MINAR2: variants seen among roughly 807,000 people sequenced by gnomAD.
MINAR2 encodes the protein membrane integral NOTCH2 associated receptor 2, also known as major intrinsically disordered NOTCH2-binding receptor 1-like.
MINAR2 carries 21 observed loss-of-function variants against 16.1 expected under a neutral mutation model. That is an observed-to-expected ratio of 1.31 (90% CI 0.93 to 1.88). The LOEUF is 1.88. Among genes scored for constraint, MINAR2 ranks in the 40% most tolerant of loss-of-function variants. MINAR2 has a pLI of 0.00. For synonymous variants in MINAR2, 86 were observed against 83.0 expected (o/e 1.04, Z -0.20); for missense variants, 259 against 229.8 (o/e 1.13, Z -0.82).
chr5:129,755,205 T>G (rs911058816), intron 1 of MINAR2, among the ~76,000 whole-genome samples: 3 of 152,136 alleles, frequency 2.0e-5, no homozygotes, highest in African/African-American at 7.2e-5. Flanking sequence ...CTGTTTTATC[T>G]TGTTACATAT....
rs78747400 is a variant in MINAR2 at position 129,764,914 on chromosome 5, G to T, written c.424G>T (p.Gly142Ter). 2.3e-6 allele frequency: 3 copies of T among 1,329,786 alleles called. No individual in the cohort carries two copies. Among genetic ancestry groups the T allele is most frequent in the African/African-American group, 1.5e-5 (1 of 67,000 alleles). 82.4% of individuals were successfully genotyped at this position (1,329,786 alleles called of 1,614,324 possible). Residue 142 changes from glycine to a stop codon, truncating the protein, a stop_gained, in exon 3 of 3, where the codon GGA (glycine) becomes TGA (stop). Coordinates refer to ENST00000564719, the MANE Select transcript of MINAR2 (RefSeq NM_001257308.2). LOFTEE classifies it high-confidence loss of function. ...ENPNDLRFWL[G>*]DMYTPGFDTL... ...TCCTAATGACCTGCGGTTTTGGTTG[G>T]GAGACATGTACACTCCAGGTTTTGA...
chr5:129,764,780 T>C, intron 2 of MINAR2, 104 bp from the exon 3 acceptor site: 1 of 557,974 alleles, frequency 1.8e-6, no homozygotes. Context: ...AGAGTGAATA[T>C]GGACCATCAG....
In MINAR2 at chr5:129,761,313, C is replaced by T. The variant is rs116082729; in HGVS notation, c.393+708C>T. 3.5e-3 allele frequency among the ~76,000 whole-genome samples: 528 copies of T among 152,306 alleles called. 3 individuals are homozygous for T. Among genetic ancestry groups the T allele is most frequent in the African/African-American group, 0.012 (505 of 41,576 alleles). On this transcript the variant is annotated intron_variant, in intron 2 of 2. Coordinates refer to ENST00000564719, the MANE Select transcript of MINAR2 (RefSeq NM_001257308.2). ...GGACTGGATTCCTACCCAGCCTTGG[C>T]TTGCCTCCACCTGCCCTAGGCCAGG...
chr5:129,764,674 C>T (rs1758184903), intron 2 of MINAR2, among the ~76,000 whole-genome samples: 1 of 152,110 alleles, frequency 6.6e-6, no homozygotes, highest in African/African-American at 2.4e-5. Context: ...TGCAGGGATT[C>T]CTTGTCAGCC....
chr5:129,759,442 G>A (rs1437878294), intron 1 of MINAR2, among the ~76,000 whole-genome samples: 3 of 151,922 alleles, frequency 2.0e-5, no homozygotes, highest in Non-Finnish European at 4.4e-5. Flanking sequence ...TTTCCAAAAT[G>A]AACAAATTTT....
chr5:129,751,649 T>G (rs1484083902), intron 1 of MINAR2, among the ~76,000 whole-genome samples: 1 of 152,166 alleles, frequency 6.6e-6, no homozygotes, highest in African/African-American at 2.4e-5. Context: ...TATTTATACT[T>G]CTCCTTAAAT....
intron 1 of MINAR2, among the ~76,000 whole-genome samples, chr5:129,758,231 A>G (rs777660722): frequency 2.3e-4 from 35 of 152,102 alleles, no homozygotes; most frequent in South Asian, 6.2e-4. Flanking sequence ...CCTCTGGTAA[A>G]TGTATTCTTT....
intron 2 of MINAR2, 48 bp from the exon 3 acceptor site, chr5:129,764,836 A>G (rs1171523699): frequency 2.9e-6 from 3 of 1,039,986 alleles, no homozygotes; most frequent in African/African-American, 1.6e-5. Context: ...AATTTGTAAC[A>G]CTGACTGATT....
intron 1 of MINAR2, among the ~76,000 whole-genome samples, chr5:129,749,942 G>C (rs1757965942): frequency 6.6e-6 from 1 of 152,156 alleles, no homozygotes; most frequent in South Asian, 2.1e-4. Flanking sequence ...CTGCTTCATA[G>C]GTCTTTGAAT....
intron 1 of MINAR2, among the ~76,000 whole-genome samples, chr5:129,757,023 T>C (rs1311289638): frequency 2.0e-5 from 3 of 147,862 alleles, no homozygotes; most frequent in Non-Finnish European, 3.0e-5. Flanking sequence ...TATTTATATA[T>C]AATGGTATAT....
chr5:129,760,230 G>A (rs763317409), intron 1 of MINAR2, 148 bp from the exon 2 acceptor site: 15 of 635,850 alleles, frequency 2.4e-5, no homozygotes, highest in Non-Finnish European at 3.5e-5. Context: ...TAGGTCAAAC[G>A]AAACCCTAGA....
chr5:129,765,891 A>G lies in MINAR2; in HGVS notation c.*828A>G, dbSNP rs1395312373. The G allele has an allele frequency of 6.6e-6, 1 of 152,164 alleles. No homozygotes were observed. Among genetic ancestry groups the G allele is most frequent in the African/African-American group, 2.4e-5 (1 of 41,444 alleles). The allele number at this position is 152,164 out of a possible 1,614,324, so 9.4% of individuals were successfully genotyped here. On this transcript the variant is annotated 3_prime_UTR_variant, in exon 3 of 3. Transcript: ENST00000564719. Reference sequence around the variant, plus strand: ...GTTTGAAGCCTAACTGCTACTTGCTAACAGACTCTGGCAAGTTATTCTCTC... The same window carrying G: ...GTTTGAAGCCTAACTGCTACTTGCTGACAGACTCTGGCAAGTTATTCTCTC...
At chr5:129,760,798 G>A (rs950353172) in intron 2 of MINAR2, among the ~76,000 whole-genome samples, 193 bp downstream of exon 2, 5 of 152,106 alleles carry the variant, frequency 3.3e-5, no homozygotes, top group African/African-American at 1.2e-4. Flanking sequence ...GAGTTTTACA[G>A]TTTCAACAGT....
Position 129,760,503 on chromosome 5 carries a change from A to C in MINAR2, c.291A>C (p.Leu97=). The change falls in exon 2 of 3, where the codon CTA becomes CTC. Residue 97 remains leucine (L), a synonymous_variant. Coordinates refer to ENST00000564719, the MANE Select transcript of MINAR2 (RefSeq NM_001257308.2). ...VMKNNPLYGD[L]SLEEAMEERK... ...AGAATAACCCACTCTATGGTGACCT[A>C]AGTTTGGAGGAAGCTATGGAAGAAA... 2.0e-6 allele frequency: 3 copies of C among 1,535,740 alleles called. No individual in the cohort carries two copies. Among genetic ancestry groups the C allele is most frequent in the Non-Finnish European group, 2.6e-6 (3 of 1,146,544 alleles).
At chr5:129,756,597 A>T (rs1218698458) in intron 1 of MINAR2, among the ~76,000 whole-genome samples, 2 of 152,072 alleles carry the variant, frequency 1.3e-5, no homozygotes. Context: ...TTCCTGAGTT[A>T]CTTCACTTAG....
At chr5:129,748,439 A>G in intron 1 of MINAR2, 84 bp downstream of exon 1, 1 of 1,389,754 alleles carries the variant, frequency 7.2e-7, no homozygotes, top group East Asian at 2.5e-5. Flanking sequence ...TGCAACAAGA[A>G]GCCTATAGGA....
At chr5:129,761,365 C>A (rs1203655635) in intron 2 of MINAR2, among the ~76,000 whole-genome samples, 1 of 152,174 alleles carries the variant, frequency 6.6e-6, no homozygotes, top group African/African-American at 2.4e-5. Flanking sequence ...CAAGTATATA[C>A]CCTTCATTTA....
At position 129,748,291 on chromosome 5, in the gene MINAR2, T is replaced by C. The variant is rs574518368; in HGVS notation, c.101T>C (p.Leu34Pro). ...TRSSALLQAS[L>P]VRFPGGNYPA... ...AGCTCAGCCCTCCTTCAGGCCAGCCTGGTGAGGTTTCCGGGTGGAAATTAT... is the reference window on the plus strand; with the variant it reads ...AGCTCAGCCCTCCTTCAGGCCAGCCCGGTGAGGTTTCCGGGTGGAAATTAT... Residue 34 changes from leucine to proline, a missense_variant, in exon 1 of 3, where the codon CTG becomes CCG. Leu to Pro is a moderately conservative substitution (Grantham distance 98). Coordinates refer to ENST00000564719, the MANE Select transcript of MINAR2 (RefSeq NM_001257308.2). 7.5e-5 allele frequency: 115 copies of C among 1,535,258 alleles called. No homozygotes were observed. The African/African-American group carries it at 1.2e-3, about 17-fold the overall frequency.
chr5:129,765,286 G>C lies in MINAR2; in HGVS notation c.*223G>C. 2.7e-6 allele frequency: 1 copy of C among 370,570 alleles called. No individual in the cohort carries two copies. The allele number at this position is 370,570 out of a possible 1,614,324, so 23.0% of individuals were successfully genotyped here. A position where few individuals can be genotyped will look rare whatever the true frequency, so the allele number is the denominator to read the frequency against. ...AAAAGCTTTCTAAGAGTGCCACCCT[G>C]AACTTTGGGAAGCAGGAATTCTGAG... is the stretch of plus-strand genomic sequence containing the variant. On this transcript the variant is annotated 3_prime_UTR_variant, in exon 3 of 3. Coordinates refer to ENST00000564719, the MANE Select transcript of MINAR2 (RefSeq NM_001257308.2).
Sources: allele counts gnomAD v4.1 joint callset (sites outside exome capture counted in the v4.1 genomes callset), GRCh38; gene constraint gnomAD v4.1.1; transcripts MANE v1.5; gene names NCBI Gene and HGNC (gene_info 2026-07-23, HGNC 2026-07-21).